Variants in CTNND2 observed in about 807,000 individuals in gnomAD.
CTNND2 encodes the protein catenin delta 2.
In CTNND2, 22 loss-of-function variants were observed where a neutral mutation model predicts 144.4. The ratio of observed to expected loss-of-function variants is 0.15; its 90% CI spans 0.11 to 0.22. The LOEUF (loss-of-function observed/expected upper bound fraction) is 0.22. CTNND2 is among the 10% of genes least tolerant of loss of function. The pLI is 1.00. For missense variants in CTNND2, 1,353 were observed against 1,618.8 expected (o/e 0.84, Z 2.82); for synonymous variants, 751 against 695.6 (o/e 1.08, Z -1.25).
At chr5:11,275,073 G>T (rs1746393068) in intron 9 of CTNND2, among the ~76,000 whole-genome samples, 1 of 152,112 alleles carries the variant, frequency 6.6e-6, no homozygotes, top group Admixed American at 6.6e-5. Flanking sequence ...AACTTATGCA[G>T]GTTAATGCGT....
chr5:11,307,711 G>A (rs1333284634), intron 9 of CTNND2, among the ~76,000 whole-genome samples: 3 of 152,092 alleles, frequency 2.0e-5, no homozygotes, highest in Admixed American at 6.5e-5. Flanking sequence ...CAAGACAAAC[G>A]AAACTTATTA....
At chr5:11,829,418 A>G (rs937632572) in intron 1 of CTNND2, among the ~76,000 whole-genome samples, 3 of 152,148 alleles carry the variant, frequency 2.0e-5, no homozygotes, top group African/African-American at 4.8e-5. Context: ...CAGGGTCCCT[A>G]TGCTGTGTAC....
chr5:11,833,899 A>G (rs1373375943), intron 1 of CTNND2, among the ~76,000 whole-genome samples: 1 of 152,204 alleles, frequency 6.6e-6, no homozygotes, highest in Non-Finnish European at 1.5e-5. Flanking sequence ...TGAATGCTAA[A>G]CCAAAACAAT....
At chr5:11,547,964 A>G (rs1338902345) in intron 3 of CTNND2, among the ~76,000 whole-genome samples, 3 of 152,232 alleles carry the variant, frequency 2.0e-5, no homozygotes, top group African/African-American at 7.2e-5. Context: ...ATATTTACAG[A>G]AGAAAACCCT....
intron 8 of CTNND2, among the ~76,000 whole-genome samples, chr5:11,355,060 A>G (rs1213276024): frequency 1.3e-5 from 2 of 152,204 alleles, no homozygotes; most frequent in Non-Finnish European, 2.9e-5. Flanking sequence ...GGATGGAAAC[A>G]CATCCTACCA....
At chr5:11,317,609 G>T (rs1355657429) in intron 9 of CTNND2, among the ~76,000 whole-genome samples, 1 of 152,064 alleles carries the variant, frequency 6.6e-6, no homozygotes, top group Non-Finnish European at 1.5e-5. Flanking sequence ...ATTTTGATTG[G>T]TTCCTTTGAG....
At chr5:10,984,784 G>A (rs933191951) in intron 20 of CTNND2, among the ~76,000 whole-genome samples, 11 of 152,162 alleles carry the variant, frequency 7.2e-5, no homozygotes, top group Admixed American at 2.0e-4. Context: ...ACTTTCAAAG[G>A]CATAAGAGGC....
At chr5:11,311,912 A>C (rs1174414837) in intron 9 of CTNND2, among the ~76,000 whole-genome samples, 2 of 86,492 alleles carry the variant, frequency 2.3e-5, no homozygotes, top group African/African-American at 8.4e-5. Context: ...CACACACTCC[A>C]CATACATCCT....
At chr5:11,605,443 G>A (rs779290815) in intron 2 of CTNND2, among the ~76,000 whole-genome samples, 1 of 152,106 alleles carries the variant, frequency 6.6e-6, no homozygotes, top group Non-Finnish European at 1.5e-5. Context: ...AAACAGTCTG[G>A]TAAAAAGATA....
At chr5:11,677,061 T>C (rs10462670) in intron 2 of CTNND2, among the ~76,000 whole-genome samples, 18,778 of 152,228 alleles carry the variant, frequency 0.12, 1,329 homozygotes, top group East Asian at 0.16. Context: ...TTTGATTCTG[T>C]TAAATGAACT....
intron 16 of CTNND2, among the ~76,000 whole-genome samples, chr5:11,032,024 C>A (rs1277870457): frequency 6.6e-6 from 1 of 152,212 alleles, no homozygotes; most frequent in East Asian, 1.9e-4. Flanking sequence ...TAAGCCAATT[C>A]TCCTTAATAA....
intron 3 of CTNND2, among the ~76,000 whole-genome samples, chr5:11,485,673 A>G (rs1051963965): frequency 6.6e-6 from 1 of 152,220 alleles, no homozygotes; most frequent in African/African-American, 2.4e-5. Context: ...GATAAGTGTT[A>G]GGAAAATTAT....
chr5:11,498,860 C>T (rs1770248545), intron 3 of CTNND2, among the ~76,000 whole-genome samples: 1 of 152,040 alleles, frequency 6.6e-6, no homozygotes, highest in Non-Finnish European at 1.5e-5. Flanking sequence ...AAGAAAATTG[C>T]ATTGATATAT....
chr5:11,681,079 A>G (rs1347524264), intron 2 of CTNND2, among the ~76,000 whole-genome samples: 1 of 152,186 alleles, frequency 6.6e-6, no homozygotes, highest in African/African-American at 2.4e-5. Flanking sequence ...GGAAGGACAG[A>G]ATGAGATGCG....
intron 3 of CTNND2, among the ~76,000 whole-genome samples, chr5:11,559,079 T>C (rs1776473628): frequency 6.6e-6 from 1 of 152,264 alleles, no homozygotes; most frequent in South Asian, 2.1e-4. Context: ...CTGGGAAACA[T>C]TTTTCCTATA....
intron 2 of CTNND2, among the ~76,000 whole-genome samples, chr5:11,580,194 G>A (rs751575661): frequency 3.3e-5 from 5 of 152,016 alleles, no homozygotes; most frequent in African/African-American, 4.8e-5. Context: ...AGGGACTCAG[G>A]AAATACTATC....
intron 1 of CTNND2, among the ~76,000 whole-genome samples, chr5:11,777,167 C>T (rs181297162): frequency 5.3e-5 from 8 of 152,236 alleles, no homozygotes; most frequent in South Asian, 2.1e-4. Flanking sequence ...TTACCATAAT[C>T]GACCCTCAAA....
chr5:11,128,740 T>TGGCA (rs1440566611), intron 12 of CTNND2, among the ~76,000 whole-genome samples: 2 of 41,744 alleles, frequency 4.8e-5, no homozygotes, highest in Non-Finnish European at 7.8e-5. Flanking sequence ...AATATATATA[T>TGGCA]TTATATATAT....
intron 3 of CTNND2, among the ~76,000 whole-genome samples, chr5:11,527,452 G>A (rs1012810525): frequency 5.3e-5 from 8 of 152,160 alleles, no homozygotes; most frequent in Non-Finnish European, 8.8e-5. Flanking sequence ...AGCCTGCCCT[G>A]GAATCCCACC....
Sources: allele counts gnomAD v4.1 joint callset (sites outside exome capture counted in the v4.1 genomes callset), GRCh38; gene constraint gnomAD v4.1.1; transcripts MANE v1.5; gene names NCBI Gene and HGNC (gene_info 2026-07-23, HGNC 2026-07-21).